EYS: variants seen among roughly 807,000 people sequenced by gnomAD.
EYS encodes the protein protein eyes shut homolog.
A neutral mutation model predicts 282.1 loss-of-function variants in EYS; 250 were observed. The ratio of observed to expected loss-of-function variants is 0.89; its 90% CI spans 0.80 to 0.98. The LOEUF is 0.98. Among genes scored for constraint, EYS ranks in the 50% least tolerant of loss-of-function variants. The pLI, the probability that EYS is intolerant of heterozygous loss-of-function variation, is 0.00. For missense variants in EYS, 4,016 were observed against 3,709.0 expected (o/e 1.08, Z -2.15); for synonymous variants, 1,355 against 1,282.9 (o/e 1.06, Z -1.20).
In EYS at chr6:64,447,841, G is replaced by GGGAA. The variant is rs529077387; in HGVS notation, c.5645-8493_5645-8490dup. 3.6e-3 allele frequency among the ~76,000 whole-genome samples: 546 copies of GGGAA among 152,282 alleles called. 9 individuals carry two copies. The highest frequency in any genetic ancestry group is 7.7e-4 in the East Asian group (4 of 5,182). On this transcript the variant is annotated intron_variant, in intron 26 of 42. Transcript: ENST00000503581. ...GAAAGCAATCAATGATCTTTTTGAA[G>GGGAA]GGAAGCAAAACATCTATAATCATAA...
At chr6:64,767,201 A>G (rs1414271732) in intron 22 of EYS, among the ~76,000 whole-genome samples, 1 of 152,186 alleles carries the variant, frequency 6.6e-6, no homozygotes, top group African/African-American at 2.4e-5. Context: ...GTTTTGATGT[A>G]TGTAATATAT....
chr6:64,858,513 C>T (rs1766139059), intron 19 of EYS, among the ~76,000 whole-genome samples: 1 of 151,892 alleles, frequency 6.6e-6, no homozygotes, highest in Non-Finnish European at 1.5e-5. Context: ...TTATAATGTG[C>T]TTTGTAATAA....
At chr6:65,377,109 A>G (rs1483466114) in intron 8 of EYS, among the ~76,000 whole-genome samples, 1 of 152,152 alleles carries the variant, frequency 6.6e-6, no homozygotes, top group Non-Finnish European at 1.5e-5. Flanking sequence ...TCTAAAATCA[A>G]CCACATAATT....
intron 12 of EYS, among the ~76,000 whole-genome samples, chr6:65,203,325 T>C (rs1765949113): frequency 3.9e-5 from 6 of 152,174 alleles, no homozygotes; most frequent in African/African-American, 1.4e-4. Flanking sequence ...TGTGCAGTGC[T>C]AGGGAACTAG....
chr6:64,316,322 C>T (rs1451458594), intron 29 of EYS, among the ~76,000 whole-genome samples: 4 of 152,210 alleles, frequency 2.6e-5, no homozygotes, highest in South Asian at 2.1e-4. Flanking sequence ...CAAACCCCAT[C>T]GTCTCAGCCC....
chr6:64,205,596 T>C (rs1227989429), intron 31 of EYS, among the ~76,000 whole-genome samples: 1 of 152,174 alleles, frequency 6.6e-6, no homozygotes. Context: ...AAAGTAATTA[T>C]GTGCAGACAT....
At chr6:65,492,592 T>C (rs1369947298) in intron 4 of EYS, among the ~76,000 whole-genome samples, 2 of 152,196 alleles carry the variant, frequency 1.3e-5, no homozygotes, top group African/African-American at 4.8e-5. Context: ...AAAGACTGTC[T>C]ATTAAATTGC....
intron 2 of EYS, among the ~76,000 whole-genome samples, chr6:65,593,141 T>C (rs1415612545): frequency 5.3e-5 from 8 of 152,042 alleles, no homozygotes; most frequent in Non-Finnish European, 1.2e-4. Context: ...CCATTAAAGA[T>C]GCACCTTATT....
At chr6:64,982,118 G>A (rs1770695145) in intron 14 of EYS, among the ~76,000 whole-genome samples, 1 of 151,350 alleles carries the variant, frequency 6.6e-6, no homozygotes, top group Non-Finnish European at 1.5e-5. Flanking sequence ...TGTGGCAAAT[G>A]TAAATATAAT....
chr6:64,226,668 G>T (rs1331734343), intron 31 of EYS, among the ~76,000 whole-genome samples: 3 of 151,978 alleles, frequency 2.0e-5, no homozygotes, highest in Non-Finnish European at 4.4e-5. Flanking sequence ...AGGCAACAAG[G>T]TTTAGCTAAT....
intron 2 of EYS, among the ~76,000 whole-genome samples, chr6:65,496,346 T>C (rs1293666846): frequency 3.3e-5 from 5 of 152,074 alleles, no homozygotes; most frequent in Non-Finnish European, 5.9e-5. Context: ...CAAGAAAACA[T>C]AAAGGATTTC....
chr6:63,790,271 G>A (rs994150836), intron 37 of EYS, among the ~76,000 whole-genome samples: 6 of 152,252 alleles, frequency 3.9e-5, no homozygotes, highest in Admixed American at 3.3e-4. Flanking sequence ...ACTTTGATCA[G>A]GGTAAAGGAG....
chr6:64,034,042 G>A (rs1769995454), intron 33 of EYS, among the ~76,000 whole-genome samples: 1 of 152,142 alleles, frequency 6.6e-6, no homozygotes, highest in South Asian at 2.1e-4. Flanking sequence ...AAGTAAAAAT[G>A]GATCTAGATT....
At position 63,823,910 on chromosome 6, in the gene EYS, G is replaced by T. The variant is rs146944351; in HGVS notation, c.7229-17538C>A. On this transcript the variant is annotated intron_variant, in intron 36 of 42. Transcript: ENST00000503581. ...CCCAAGTCCTTACATTTTTCTTCTG[G>T]ATTCACTTTCCTCCAATTTTGTCTA... Among the ~76,000 whole-genome samples the T allele has an allele frequency of 3.9e-3, 585 of 151,664 alleles. 3 individuals carry two copies. The highest frequency in any genetic ancestry group is 0.012 in the African/African-American group (509 of 41,352).
intron 33 of EYS, among the ~76,000 whole-genome samples, chr6:64,032,098 C>CAACT (rs1236745153): frequency 6.6e-6 from 1 of 152,166 alleles, no homozygotes; most frequent in Non-Finnish European, 1.5e-5. Flanking sequence ...GAGGAATGAA[C>CAACT]AACTCCAGAC....
intron 35 of EYS, among the ~76,000 whole-genome samples, chr6:63,929,590 T>C (rs980015999): frequency 6.6e-6 from 1 of 152,236 alleles, no homozygotes; most frequent in African/African-American, 2.4e-5. Context: ...TGCACTTGTA[T>C]GATGCTCTGT....
chr6:64,859,191 C>A (rs1031483634), intron 19 of EYS, among the ~76,000 whole-genome samples: 2 of 147,878 alleles, frequency 1.4e-5, no homozygotes, highest in African/African-American at 2.5e-5. Context: ...TAATAACTAC[C>A]CAAAATAATA....
chr6:64,368,719 G>C (rs905265594), intron 29 of EYS, among the ~76,000 whole-genome samples: 2 of 152,114 alleles, frequency 1.3e-5, no homozygotes, highest in South Asian at 2.1e-4. Flanking sequence ...TTTGAAAACT[G>C]TTTGTTCATG....
At position 63,806,101 on chromosome 6, in the gene EYS, T is replaced by C. The variant is rs188089894; in HGVS notation, c.7411+89A>G. On this transcript the variant is annotated intron_variant, in intron 37 of 42. Coordinates refer to ENST00000503581, the MANE Select transcript of EYS (RefSeq NM_001142800.2). ...CTGCATCTAGGCAAAGGTCTTTTTT[T>C]TACCACAGCCAATTAGAGTGTCCCT... 6.9e-3 allele frequency: 8,208 copies of C among 1,195,322 alleles called. 38 individuals carry two copies. The highest frequency in any genetic ancestry group is 8.3e-3 in the Non-Finnish European group (7,217 of 867,252). 74.0% of individuals were successfully genotyped at this position (1,195,322 alleles called of 1,614,324 possible). A position where few individuals can be genotyped will look rare whatever the true frequency, so the allele number is the denominator to read the frequency against.
Sources: allele counts gnomAD v4.1 joint callset (sites outside exome capture counted in the v4.1 genomes callset), GRCh38; gene constraint gnomAD v4.1.1; transcripts MANE v1.5; gene names NCBI Gene and HGNC (gene_info 2026-07-23, HGNC 2026-07-21).